PUDP: variants seen among roughly 807,000 people sequenced by gnomAD.
The protein encoded by PUDP is pseudouridine-5'-phosphatase.
A neutral mutation model predicts 9.4 loss-of-function variants in PUDP; 8 were observed. The ratio of observed to expected loss-of-function variants is 0.85; its 90% CI spans 0.50 to 1.53. PUDP has a LOEUF of 1.53. PUDP is among the 40% of genes most tolerant of loss of function. The probability of loss-of-function intolerance (pLI) is 0.00; values close to 1 mark genes in which losing one functional copy is unlikely to be tolerated. For missense variants in PUDP, 188 were observed against 189.7 expected (o/e 0.99, Z 0.05); for synonymous variants, 99 against 80.7 (o/e 1.23, Z -1.22).
chrX:6,958,109 A>G (rs925477996), intron 3 of PUDP, among the ~76,000 whole-genome samples: 2 of 112,411 alleles, frequency 1.8e-5, no homozygotes, highest in African/African-American at 6.5e-5. Context: ...AGATAGGGTC[A>G]TTTATAACCT....
chrX:6,747,063 C>T (rs970823265), intron 3 of PUDP, among the ~76,000 whole-genome samples: 1 of 111,610 alleles, frequency 9.0e-6, no homozygotes, highest in Non-Finnish European at 1.9e-5. Flanking sequence ...TTTTCCACAA[C>T]CTCACCAACA....
chrX:6,905,086 C>T (rs1192352732), intron 3 of PUDP, among the ~76,000 whole-genome samples: 1 of 111,824 alleles, frequency 8.9e-6, no homozygotes, highest in Non-Finnish European at 1.9e-5. Context: ...CAGCTGCTTA[C>T]ATTCTTCTGA....
At chrX:6,729,181 C>T (rs1041991012) in intron 3 of PUDP, among the ~76,000 whole-genome samples, 1 of 111,720 alleles carries the variant, frequency 9.0e-6, no homozygotes, top group African/African-American at 3.3e-5. Flanking sequence ...CTGCTTAGGG[C>T]CAAACTGCCT....
intron 2 of PUDP, among the ~76,000 whole-genome samples, chrX:7,093,651 C>A (rs748449812): frequency 1.8e-5 from 2 of 111,925 alleles, no homozygotes; most frequent in Non-Finnish European, 3.8e-5. Context: ...TGAGCACACC[C>A]CTCCCGGAGG....
chrX:6,714,646 A>G (rs1221850034), intron 1 of PUDP, among the ~76,000 whole-genome samples: 2 of 111,561 alleles, frequency 1.8e-5, no homozygotes. Flanking sequence ...AGAATGATAG[A>G]TAAATGGAGA....
chrX:6,889,752 C>T (rs1186199962), intron 3 of PUDP, among the ~76,000 whole-genome samples: 3 of 111,737 alleles, frequency 2.7e-5, no homozygotes, highest in Non-Finnish European at 3.8e-5. Context: ...ACTCATCACT[C>T]GGCTGTTTTC....
At chrX:6,921,005 T>G (rs1928013540) in intron 3 of PUDP, among the ~76,000 whole-genome samples, 1 of 109,870 alleles carries the variant, frequency 9.1e-6, no homozygotes, top group Non-Finnish European at 1.9e-5. Context: ...GGCCTGAGAG[T>G]GGGGTGAGTG....
intron 3 of PUDP, among the ~76,000 whole-genome samples, chrX:6,943,224 G>A (rs756400010): frequency 8.9e-6 from 1 of 111,862 alleles, no homozygotes; most frequent in South Asian, 3.7e-4. Context: ...AGACTTTCAC[G>A]TATATTTCCA....
chrX:6,803,341 G>T (rs1925996685), intron 3 of PUDP, among the ~76,000 whole-genome samples: 1 of 111,050 alleles, frequency 9.0e-6, no homozygotes, highest in South Asian at 3.8e-4. Context: ...GAGACAGGTT[G>T]ATGAGACATT....
intron 1 of PUDP, among the ~76,000 whole-genome samples, chrX:7,005,075 C>T (rs914323134): frequency 3.6e-5 from 4 of 111,549 alleles, no homozygotes; most frequent in African/African-American, 1.3e-4. Flanking sequence ...CCCTAGGGAA[C>T]TCACAGTCTT....
At chrX:7,096,217 C>A (rs1198987220) in intron 2 of PUDP, among the ~76,000 whole-genome samples, 4 of 111,250 alleles carry the variant, frequency 3.6e-5, no homozygotes, top group African/African-American at 1.3e-4. Flanking sequence ...AATTGACTAA[C>A]AATTTAATTA....
At chrX:6,956,590 T>C (rs1048792757) in intron 3 of PUDP, among the ~76,000 whole-genome samples, 1 of 111,578 alleles carries the variant, frequency 9.0e-6, no homozygotes, top group Non-Finnish European at 1.9e-5. Context: ...TGCAGAATGT[T>C]CTTAGCTTCT....
At chrX:6,803,944 G>A (rs888357856) in intron 3 of PUDP, among the ~76,000 whole-genome samples, 7 of 110,204 alleles carry the variant, frequency 6.4e-5, no homozygotes, top group Non-Finnish European at 1.9e-5. Flanking sequence ...GCCAACATAT[G>A]GTAATTTAAT....
chrX:7,042,998 G>C (rs1390466896), intron 1 of PUDP, among the ~76,000 whole-genome samples: 1 of 111,767 alleles, frequency 8.9e-6, no homozygotes, highest in Non-Finnish European at 1.9e-5. Flanking sequence ...GCCTGGCAGA[G>C]GGCTGTGAAC....
At chrX:6,841,919 ATGTG>A (rs1175309921) in intron 3 of PUDP, among the ~76,000 whole-genome samples, 5 of 110,420 alleles carry the variant, frequency 4.5e-5, no homozygotes, top group Non-Finnish European at 7.6e-5. Flanking sequence ...GGGGGGGGTT[ATGTG>A]TGTGTATGTT....
chrX:7,009,726 A>G (rs1259522661), intron 1 of PUDP, among the ~76,000 whole-genome samples: 1 of 111,519 alleles, frequency 9.0e-6, no homozygotes, highest in Non-Finnish European at 1.9e-5. Context: ...TAAATAGTGA[A>G]CACAGTATCT....
chrX:6,898,127 GA>G (rs1242876113), intron 3 of PUDP, among the ~76,000 whole-genome samples: 2 of 112,034 alleles, frequency 1.8e-5, no homozygotes, highest in Non-Finnish European at 3.8e-5. Context: ...AGTGAGATGT[GA>G]AGGTGAAAGG....
intron 3 of PUDP, among the ~76,000 whole-genome samples, chrX:6,869,963 G>A (rs1443230121): frequency 9.0e-6 from 1 of 111,397 alleles, no homozygotes; most frequent in East Asian, 2.8e-4. Flanking sequence ...GTACACTCAT[G>A]TTCATAGCAG....
chrX:6,943,937 G>GA (rs199713105), intron 3 of PUDP, among the ~76,000 whole-genome samples: 3,441 of 110,325 alleles, frequency 0.031, 137 homozygotes, highest in African/African-American at 0.11. Flanking sequence ...AACAGAGTTA[G>GA]AAAAAAAAAT....
Sources: allele counts gnomAD v4.1 joint callset (sites outside exome capture counted in the v4.1 genomes callset), GRCh38; gene constraint gnomAD v4.1.1; transcripts MANE v1.5; gene names NCBI Gene and HGNC (gene_info 2026-07-23, HGNC 2026-07-21).